The following ARL8B variants were observed in gnomAD, a reference collection of about 807,000 sequenced individuals.
ARL8B encodes ADP-ribosylation factor-like protein 8B.
Under a neutral mutation model 30.6 loss-of-function variants are expected in ARL8B, and 9 were observed. The ratio of observed to expected loss-of-function variants is 0.29; its 90% CI spans 0.18 to 0.51. The LOEUF is 0.51. Ranked by LOEUF, ARL8B falls within the 20% of genes least tolerant of loss-of-function variation. The probability of loss-of-function intolerance (pLI) is 0.97; values close to 1 mark genes in which losing one functional copy is unlikely to be tolerated. For missense variants in ARL8B, 130 were observed against 227.2 expected (o/e 0.57, Z 2.75); for synonymous variants, 74 against 76.0 (o/e 0.97, Z 0.14).
Position 5,175,033 on chromosome 3 carries a change from T to G in ARL8B, c.511+619T>G, listed in dbSNP as rs11916541. The stretch of plus-strand genomic sequence containing the variant: ...CCAAGCTGGTCTTGAACTCCTGACC[T>G]CAAATGATCCAACTGCCTCGGCCCC... On this transcript the variant is annotated intron_variant, in intron 6 of 6. Coordinates refer to ENST00000256496, the MANE Select transcript of ARL8B (RefSeq NM_018184.3). Among the ~76,000 whole-genome samples the G allele has an allele frequency of 9.4e-3, 1,431 of 151,968 alleles. 21 individuals are homozygous for G. The highest frequency in any genetic ancestry group is 0.032 in the African/African-American group (1,334 of 41,408).
intron 1 of ARL8B, among the ~76,000 whole-genome samples, chr3:5,168,470 G>A (rs1189101559): frequency 1.3e-5 from 2 of 152,216 alleles, no homozygotes; most frequent in African/African-American, 4.8e-5. Flanking sequence ...CTAATTTTCG[G>A]TTTTTGCATG....
At chr3:5,173,635 G>A (rs1374781243) in intron 4 of ARL8B, among the ~76,000 whole-genome samples, 3 of 152,072 alleles carry the variant, frequency 2.0e-5, no homozygotes, top group Admixed American at 6.6e-5. Context: ...GGAGAATGGC[G>A]TGAACCCGGG....
At chr3:5,173,023 C>T (rs1257444672) in intron 4 of ARL8B, among the ~76,000 whole-genome samples, 1 of 152,046 alleles carries the variant, frequency 6.6e-6, no homozygotes, top group African/African-American at 2.4e-5. Flanking sequence ...CCATCATGGA[C>T]CTTATGGTTT....
intron 6 of ARL8B, 54 bp downstream of exon 6, chr3:5,174,468 T>A (rs1185553594): frequency 8.7e-7 from 1 of 1,149,896 alleles, no homozygotes; most frequent in East Asian, 2.4e-5. Flanking sequence ...AAGGAATGTC[T>A]ATGCTTCTTA....
rs557572851 is a variant in ARL8B at position 5,157,505 on chromosome 3, G to A, written c.124-12998G>A. Among the ~76,000 whole-genome samples, 11 of 152,058 alleles carry A rather than the reference G, an allele frequency of 7.2e-5. No homozygotes were observed. In the East Asian group the frequency reaches 1.7e-3, roughly 24 times the overall value. Reference sequence around the variant, plus strand: ...CAAACAAAACAAAAAAACCCCCAAAGCAACACAGGTTCTTTCTCCATACCA... The same window carrying A: ...CAAACAAAACAAAAAAACCCCCAAAACAACACAGGTTCTTTCTCCATACCA... On this transcript the variant is annotated intron_variant, in intron 1 of 6. Transcript: ENST00000256496.
At position 5,124,256 on chromosome 3, in the gene ARL8B, ATTTTTTTTTTTTTTT is replaced by A. The variant is rs35897178; in HGVS notation, c.123+1682_123+1696del. ...GTGGAATGTGTATCTAATACCACTA[ATTTTTTTTTTTTTTT>A]TTTTTTTTTTTTTCTGGTAGAGACA... is the stretch of plus-strand genomic sequence containing the variant. On this transcript the variant is annotated intron_variant, in intron 1 of 6. Coordinates refer to ENST00000256496, the MANE Select transcript of ARL8B (RefSeq NM_018184.3). Among the ~76,000 whole-genome samples, 5 of 105,694 alleles carry A rather than the reference ATTTTTTTTTTTTTTT, an allele frequency of 4.7e-5. No homozygotes were observed. The East Asian group carries it at 1.1e-3, about 24-fold the overall frequency. 69.3% of individuals were successfully genotyped at this position (105,694 alleles called of 152,430 possible). A position where few individuals can be genotyped will look rare whatever the true frequency, so the allele number is the denominator to read the frequency against.
rs148380946 is a variant in ARL8B, at chr3:5,142,649, C to T, written c.123+20061C>T. Reference sequence around the variant, plus strand: ...TCTAAGGTTTGCCTTAAATCCTTTACCTCAATTATTTTTACCTTTTAGGGT... The same window carrying T: ...TCTAAGGTTTGCCTTAAATCCTTTATCTCAATTATTTTTACCTTTTAGGGT... On this transcript the variant is annotated intron_variant, in intron 1 of 6. Transcript: ENST00000256496. Among the ~76,000 whole-genome samples, 13 of 152,270 alleles carry T rather than the reference C, an allele frequency of 8.5e-5. No homozygotes were observed. In the South Asian group the frequency reaches 1.0e-3, roughly 12 times the overall value.
At chr3:5,123,553 G>A (rs1157333961) in intron 1 of ARL8B, among the ~76,000 whole-genome samples, 1 of 152,184 alleles carries the variant, frequency 6.6e-6, no homozygotes, top group Non-Finnish European at 1.5e-5. Flanking sequence ...AGTTTTAGCT[G>A]GTAGTGGCTT....
chr3:5,125,308 C>A (rs952542478), intron 1 of ARL8B, among the ~76,000 whole-genome samples: 4 of 152,076 alleles, frequency 2.6e-5, no homozygotes, highest in African/African-American at 9.7e-5. Flanking sequence ...AATGCAGGAA[C>A]GATGGCTTGA....
chr3:5,160,992 C>A (rs1288332019), intron 1 of ARL8B, among the ~76,000 whole-genome samples: 1 of 152,182 alleles, frequency 6.6e-6, no homozygotes, highest in Non-Finnish European at 1.5e-5. Context: ...CATCTCAGCT[C>A]ACTCTAACCT....
intron 1 of ARL8B, among the ~76,000 whole-genome samples, chr3:5,150,344 T>G (rs2054469649): frequency 1.3e-5 from 2 of 151,570 alleles, no homozygotes; most frequent in African/African-American, 4.9e-5. Flanking sequence ...ACGCCTGTAA[T>G]CCCAGCTACT....
At position 5,139,987 on chromosome 3, in the gene ARL8B, G is replaced by GTTTTTTTTT. The variant is rs375903438; in HGVS notation, c.123+17408_123+17416dup. Reference sequence around the variant, plus strand: ...CACTACACAAGATGTGATTAGTTTTGTTTTTTTTTTTTTTTTTGAGACGGA... The same window carrying GTTTTTTTTT: ...CACTACACAAGATGTGATTAGTTTTGTTTTTTTTTTTTTTTTTTTTTTTTTTGAGACGGA... On this transcript the variant is annotated intron_variant, in intron 1 of 6. Transcript: ENST00000256496. 2.3e-5 allele frequency among the ~76,000 whole-genome samples: 3 copies of GTTTTTTTTT among 130,032 alleles called. 1 individual carries two copies. The highest frequency in any genetic ancestry group is 8.7e-5 in the African/African-American group (3 of 34,474). The allele number at this position is 130,032 out of a possible 152,430, so 85.3% of individuals were successfully genotyped here.
At chr3:5,149,448 T>A (rs1455454857) in intron 1 of ARL8B, among the ~76,000 whole-genome samples, 1 of 152,208 alleles carries the variant, frequency 6.6e-6, no homozygotes, top group African/African-American at 2.4e-5. Flanking sequence ...AAAATGGACT[T>A]GGAGACACCA....
At position 5,180,252 on chromosome 3, in the gene ARL8B, C is replaced by T. The variant is rs1278886906; in HGVS notation, c.*1539C>T. On this transcript the variant is annotated 3_prime_UTR_variant, in exon 7 of 7. Coordinates refer to ENST00000256496, the MANE Select transcript of ARL8B (RefSeq NM_018184.3). The stretch of plus-strand genomic sequence containing the variant: ...TATACTGCACTGTGTTGCACAGACA[C>T]TACTTGCTTTTCTCCATTCATATTT... The T allele has an allele frequency of 2.0e-5, 3 of 152,656 alleles. No homozygotes were observed. The highest frequency in any genetic ancestry group is 6.5e-5 in the Admixed American group (1 of 15,278). 9.5% of individuals were successfully genotyped at this position (152,656 alleles called of 1,614,324 possible). A position where few individuals can be genotyped will look rare whatever the true frequency, so the allele number is the denominator to read the frequency against.
At chr3:5,172,584 A>G in intron 3 of ARL8B, 63 bp from the exon 4 acceptor site, 1 of 1,059,930 alleles carries the variant, frequency 9.4e-7, no homozygotes, top group Non-Finnish European at 1.4e-6. Context: ...AAAATCAATA[A>G]TACTAGTTGT....
rs58230539 is a variant in ARL8B, at chr3:5,162,987, C to CTTTTTTTTT, written c.124-7506_124-7498dup. ...GTGTGTACTCAGTGTTTAGCTCCCACTTTTTTTTTTTTTTTTTTGAGACGG... is the reference window on the plus strand; with the variant it reads ...GTGTGTACTCAGTGTTTAGCTCCCACTTTTTTTTTTTTTTTTTTTTTTTTTTTGAGACGG... On this transcript the variant is annotated intron_variant, in intron 1 of 6. Coordinates refer to ENST00000256496, the MANE Select transcript of ARL8B (RefSeq NM_018184.3). 1.9e-3 allele frequency among the ~76,000 whole-genome samples: 242 copies of CTTTTTTTTT among 125,806 alleles called. 7 individuals are homozygous for CTTTTTTTTT. The highest frequency in any genetic ancestry group is 7.3e-3 in the African/African-American group (227 of 31,204). 82.5% of individuals were successfully genotyped at this position (125,806 alleles called of 152,430 possible).
At chr3:5,126,846 G>A (rs552442657) in intron 1 of ARL8B, among the ~76,000 whole-genome samples, 15 of 152,288 alleles carry the variant, frequency 9.8e-5, no homozygotes, top group African/African-American at 3.6e-4. Flanking sequence ...GCCTATATGT[G>A]TAATGTATAT....
chr3:5,169,894 T>C (rs577127592), intron 1 of ARL8B, among the ~76,000 whole-genome samples: 1 of 152,250 alleles, frequency 6.6e-6, no homozygotes, highest in Non-Finnish European at 1.5e-5. Flanking sequence ...GTATAGGAAG[T>C]TATTTGTACA....
chr3:5,155,046 C>G (rs2054519998), intron 1 of ARL8B, among the ~76,000 whole-genome samples: 1 of 152,288 alleles, frequency 6.6e-6, no homozygotes, highest in East Asian at 1.9e-4. Flanking sequence ...AAGTTACTAT[C>G]CTTTCATTTC....
Sources: gnomAD v4.1 joint callset for allele counts (sites outside exome capture counted in the v4.1 genomes callset) on GRCh38, gnomAD v4.1.1 for gene constraint, MANE v1.5 for transcripts, NCBI Gene and HGNC (gene_info 2026-07-23, HGNC 2026-07-21) for gene names.